Variants in HORMAD2 observed in about 807,000 individuals in gnomAD.
HORMAD2 encodes HORMA domain-containing protein 2.
In HORMAD2, 45 loss-of-function variants were observed where a neutral mutation model predicts 38.8. The ratio of observed to expected loss-of-function variants is 1.16; its 90% CI spans 0.91 to 1.49. The LOEUF is 1.49. Ranked by LOEUF, HORMAD2 falls within the 40% of genes most tolerant of loss-of-function variation. The pLI is 0.00. For synonymous variants in HORMAD2, 126 were observed against 122.8 expected, an observed-to-expected ratio of 1.03 and a Z score of -0.17; for missense variants, 338 against 367.0, an observed-to-expected ratio of 0.92 and a Z score of 0.65.
intron 10 of HORMAD2, among the ~76,000 whole-genome samples, chr22:30,152,799 C>CA (rs971261038): frequency 9.2e-5 from 14 of 152,260 alleles, no homozygotes; most frequent in Admixed American, 9.2e-4. Context: ...AAACATCCCC[C>CA]AAAATCTTTG....
At position 30,119,018 on chromosome 22, in the gene HORMAD2, G is replaced by A. The variant is rs563148837; in HGVS notation, c.381G>A (p.Thr127=). ...TEMYQFKFKY[T]KEGATMDFDS... is the part of the protein sequence containing the mutation. ...TGTACCAGTTCAAATTCAAATACAC[G>A]AAAGAAGGAGCCACTATGGATTTTG... Residue 127 remains threonine, a synonymous_variant, in exon 8 of 11, where the codon ACG becomes ACA. Transcript: ENST00000336726. 24 of 1,590,098 alleles carry A rather than the reference G, an allele frequency of 1.5e-5. No homozygotes were observed. Among genetic ancestry groups the A allele is most frequent in the South Asian group, 2.3e-5 (2 of 87,368 alleles).
intron 2 of HORMAD2, among the ~76,000 whole-genome samples, chr22:30,094,885 T>C (rs1363534201): frequency 6.6e-6 from 1 of 152,198 alleles, no homozygotes; most frequent in Non-Finnish European, 1.5e-5. Context: ...GTGAAATGCA[T>C]GGTAAAAGCA....
chr22:30,192,283 CAG>C, the HORMAD2 span: 1 of 152,366 alleles, frequency 6.6e-6, no homozygotes, highest in Non-Finnish European at 1.5e-5. Context: ...TACCTCAGAG[CAG>C]AGAGAGAGGT....
At chr22:30,102,086 A>T (rs1201112623) in intron 3 of HORMAD2, among the ~76,000 whole-genome samples, 1 of 152,136 alleles carries the variant, frequency 6.6e-6, no homozygotes, top group East Asian at 1.9e-4. Context: ...AAATTATCTT[A>T]AGTAATGTAA....
chr22:30,186,761 C>T, the HORMAD2 span, among the ~76,000 whole-genome samples: 1 of 152,180 alleles, frequency 6.6e-6, no homozygotes, highest in Admixed American at 6.5e-5. Context: ...AGGCTATCAA[C>T]TCTTGGGCAA....
intron 10 of HORMAD2, among the ~76,000 whole-genome samples, chr22:30,175,424 T>A (rs1157859756): frequency 1.3e-5 from 2 of 149,886 alleles, no homozygotes; most frequent in Non-Finnish European, 3.0e-5. Context: ...AAATGTCCTC[T>A]ATCTGTTTTT....
In HORMAD2 at chr22:30,142,066, A is replaced by G. The variant is rs1924117585; in HGVS notation, c.819+19852A>G. Among the ~76,000 whole-genome samples the G allele has an allele frequency of 2.6e-5, 4 of 152,134 alleles. No homozygotes were observed. In the South Asian group the frequency reaches 8.3e-4, roughly 32 times the overall value. ...GGAGTTTGAGACTAGCCTGAGCAAC[A>G]TAGTGAGACCCAGTCTCTACAAAAA... On this transcript the variant is annotated intron_variant, in intron 10 of 10. Transcript: ENST00000336726.
chr22:30,173,593 G>T (rs1926250939), intron 10 of HORMAD2, among the ~76,000 whole-genome samples: 1 of 152,190 alleles, frequency 6.6e-6, no homozygotes, highest in Admixed American at 6.5e-5. Flanking sequence ...TCCAATTTGG[G>T]CAGACTGCAC....
chr22:30,153,257 A>T (rs574607844), intron 10 of HORMAD2, among the ~76,000 whole-genome samples: 30 of 152,228 alleles, frequency 2.0e-4, no homozygotes, highest in Non-Finnish European at 3.7e-4. Context: ...TTACTACCAC[A>T]GCCTTGAGGC....
chr22:30,186,316 C>G, the HORMAD2 span, among the ~76,000 whole-genome samples: 2 of 148,896 alleles, frequency 1.3e-5, no homozygotes, highest in Non-Finnish European at 3.0e-5. Flanking sequence ...CTTGTTTTCT[C>G]TCCTCTGGAT....
At chr22:30,154,940 C>T (rs887350190) in intron 10 of HORMAD2, among the ~76,000 whole-genome samples, 22 of 152,024 alleles carry the variant, frequency 1.4e-4, no homozygotes, top group African/African-American at 4.8e-4. Flanking sequence ...TGTGGTGGCA[C>T]GTGTCTGTAG....
the HORMAD2 span, among the ~76,000 whole-genome samples, chr22:30,203,582 A>C: frequency 6.6e-6 from 1 of 152,130 alleles, no homozygotes; most frequent in African/African-American, 2.4e-5. Flanking sequence ...TACACATACA[A>C]CAGCACACAT....
chr22:30,186,995 G>A, the HORMAD2 span, among the ~76,000 whole-genome samples: 744 of 152,310 alleles, frequency 4.9e-3, 8 homozygotes, highest in African/African-American at 0.017. Flanking sequence ...CCCACCAAAT[G>A]TCAAGCATCC....
At chr22:30,197,097 G>A in the HORMAD2 span, among the ~76,000 whole-genome samples, 2 of 152,090 alleles carry the variant, frequency 1.3e-5, no homozygotes, top group Admixed American at 1.3e-4. Flanking sequence ...CTTTTCTTAG[G>A]ACCAAAGTTT....
At chr22:30,195,822 A>G in the HORMAD2 span, among the ~76,000 whole-genome samples, 1 of 152,218 alleles carries the variant, frequency 6.6e-6, no homozygotes, top group Non-Finnish European at 1.5e-5. Context: ...CTGTCTGGAA[A>G]TATAAAGGCT....
chr22:30,161,854 C>T lies in HORMAD2; in HGVS notation c.820-14209C>T, dbSNP rs201790093. ...TAATAAAAATGTTGATTATTATAAC[C>T]GTGTCAAGTAATAGAAAACACAATT... On this transcript the variant is annotated intron_variant, in intron 10 of 10. Transcript: ENST00000336726. 5.5e-4 allele frequency among the ~76,000 whole-genome samples: 83 copies of T among 151,944 alleles called. No individual in the cohort carries two copies. In the East Asian group the frequency reaches 0.013, roughly 24 times the overall value.
intron 10 of HORMAD2, among the ~76,000 whole-genome samples, chr22:30,175,114 A>T (rs551889707): frequency 2.7e-4 from 40 of 149,582 alleles, no homozygotes; most frequent in Admixed American, 1.1e-3. Context: ...TTATAGTAAC[A>T]TATCAATAAT....
intron 7 of HORMAD2, among the ~76,000 whole-genome samples, chr22:30,114,814 C>CT (rs1921922222): frequency 6.6e-6 from 1 of 152,156 alleles, no homozygotes; most frequent in Non-Finnish European, 1.5e-5. Context: ...TATGGTACTT[C>CT]TGTGCTATAA....
chr22:30,118,677 C>T (rs1922223011), intron 7 of HORMAD2, among the ~76,000 whole-genome samples: 1 of 152,162 alleles, frequency 6.6e-6, no homozygotes, highest in South Asian at 2.1e-4. Context: ...AATGGTTTCT[C>T]AACTGTTTCC....
Sources: allele counts gnomAD v4.1 joint callset (sites outside exome capture counted in the v4.1 genomes callset), GRCh38; gene constraint gnomAD v4.1.1; transcripts MANE v1.5; gene names NCBI Gene and HGNC (gene_info 2026-07-23, HGNC 2026-07-21).